The following EPHA4 variants were observed in gnomAD, a reference collection of about 807,000 sequenced individuals.
EPHA4 encodes ephrin type-A receptor 4.
In EPHA4, 19 loss-of-function variants were observed where a neutral mutation model predicts 108.3. The ratio of observed to expected loss-of-function variants is 0.18; its 90% CI spans 0.12 to 0.26. The LOEUF (loss-of-function observed/expected upper bound fraction) is 0.26, where lower values mean the gene tolerates loss of function less well. EPHA4 is among the 10% of genes least tolerant of loss of function. The probability of loss-of-function intolerance (pLI) is 1.00; values close to 1 mark genes in which losing one functional copy is unlikely to be tolerated. For missense variants in EPHA4, 917 were observed against 1,254.0 expected, an observed-to-expected ratio of 0.73 and a Z score of 4.06; for synonymous variants, 449 against 455.5, an observed-to-expected ratio of 0.99 and a Z score of 0.18.
chr2:221,494,906 G>T (rs951048373), intron 4 of EPHA4, among the ~76,000 whole-genome samples: 1 of 143,896 alleles, frequency 6.9e-6, no homozygotes, highest in African/African-American at 2.6e-5. Context: ...CAAAATCCCT[G>T]TTAAGAAAAG....
intron 4 of EPHA4, among the ~76,000 whole-genome samples, chr2:221,497,539 G>A (rs2106154340): frequency 6.6e-6 from 1 of 152,236 alleles, no homozygotes; most frequent in Non-Finnish European, 1.5e-5. Flanking sequence ...ACGAGTTCAA[G>A]ACCAGTCTGG....
intron 3 of EPHA4, chr2:221,502,667 G>C (rs1023672983): frequency 1.3e-5 from 6 of 455,310 alleles, no homozygotes; most frequent in Non-Finnish European, 2.7e-5. Flanking sequence ...CGCATATCCT[G>C]TTGGCATTTT....
rs1012525775 is a variant in EPHA4, at chr2:221,419,862, A to G, written c.*1510T>C. 4 of 152,592 alleles carry G rather than the reference A, an allele frequency of 2.6e-5. No homozygotes were observed. The highest frequency in any genetic ancestry group is 9.7e-5 in the African/African-American group (4 of 41,422). 9.5% of individuals were successfully genotyped at this position (152,592 alleles called of 1,614,324 possible). A position where few individuals can be genotyped will look rare whatever the true frequency, so the allele number is the denominator to read the frequency against. On this transcript the variant is annotated 3_prime_UTR_variant, in exon 18 of 18. Transcript: ENST00000281821. ...TAGTTCTTCATCTTGAAACTGGTGG[A>G]AAACCAGAACTCTCCAGGTGTAGCA... is the stretch of plus-strand genomic sequence containing the variant.
At chr2:221,440,868 G>A (rs1434557783) in intron 11 of EPHA4, among the ~76,000 whole-genome samples, 1 of 152,168 alleles carries the variant, frequency 6.6e-6, no homozygotes, top group Admixed American at 6.5e-5. Context: ...CAGCAGAGGT[G>A]GTATGCGGTC....
intron 4 of EPHA4, among the ~76,000 whole-genome samples, chr2:221,485,165 G>A (rs1303610242): frequency 6.6e-6 from 1 of 152,138 alleles, no homozygotes; most frequent in African/African-American, 2.4e-5. Context: ...AAGCACCACA[G>A]AAGCAAAAAG....
At chr2:221,510,044 T>C (rs1327033337) in intron 3 of EPHA4, among the ~76,000 whole-genome samples, 2 of 152,234 alleles carry the variant, frequency 1.3e-5, no homozygotes, top group East Asian at 1.9e-4. Flanking sequence ...AGCTACTCAC[T>C]AAGAGTAACT....
chr2:221,569,046 A>G (rs1183704515), intron 1 of EPHA4, among the ~76,000 whole-genome samples: 1 of 152,222 alleles, frequency 6.6e-6, no homozygotes, highest in Non-Finnish European at 1.5e-5. Flanking sequence ...TTTTTCTAAA[A>G]AGGATGAATA....
At chr2:221,496,716 T>G (rs896249572) in intron 4 of EPHA4, among the ~76,000 whole-genome samples, 3 of 152,288 alleles carry the variant, frequency 2.0e-5, no homozygotes, top group African/African-American at 7.2e-5. Context: ...AAGACCAGCC[T>G]GGCCAACATG....
chr2:221,426,517 G>T lies in EPHA4; in HGVS notation c.2793C>A (p.Asn931Lys), dbSNP rs1462291653. 4 of 1,614,092 alleles carry T rather than the reference G, an allele frequency of 2.5e-6. No homozygotes were observed. The highest frequency in any genetic ancestry group is 3.3e-4 in the Middle Eastern group (2 of 6,060). Residue 931 changes from asparagine to lysine, a missense_variant, in exon 16 of 18, where the codon AAC (asparagine) becomes AAA (lysine). By Grantham distance (94) the Asn-to-Lys change is moderately conservative. Coordinates refer to ENST00000281821, the MANE Select transcript of EPHA4 (RefSeq NM_004438.5). ...QAIKMDRYKD[N>K]FTAAGYTTLE... Reference sequence around the variant, plus strand: ...GTGTGGTATAACCAGCAGCTGTGAAGTTATCCTTATACCGGTCCATTTTAA... The same window carrying T: ...GTGTGGTATAACCAGCAGCTGTGAATTTATCCTTATACCGGTCCATTTTAA...
intron 3 of EPHA4, among the ~76,000 whole-genome samples, chr2:221,504,205 A>G (rs910623994): frequency 6.6e-6 from 1 of 152,214 alleles, no homozygotes; most frequent in Non-Finnish European, 1.5e-5. Flanking sequence ...TTAATGAACC[A>G]TCTGAATGGG....
intron 3 of EPHA4, among the ~76,000 whole-genome samples, chr2:221,511,057 C>T (rs889349487): frequency 2.0e-5 from 3 of 152,100 alleles, no homozygotes; most frequent in Non-Finnish European, 2.9e-5. Flanking sequence ...ATGAGGCCAC[C>T]AAATTTCCAT....
At chr2:221,474,525 A>G (rs1374735349) in intron 5 of EPHA4, among the ~76,000 whole-genome samples, 1 of 152,066 alleles carries the variant, frequency 6.6e-6, no homozygotes, top group Non-Finnish European at 1.5e-5. Flanking sequence ...TATTAATGAG[A>G]AAACCACAGC....
At chr2:221,539,340 A>G (rs1302567789) in intron 3 of EPHA4, among the ~76,000 whole-genome samples, 1 of 152,222 alleles carries the variant, frequency 6.6e-6, no homozygotes, top group Non-Finnish European at 1.5e-5. Context: ...AAATGGCAGA[A>G]CAATTACTCA....
chr2:221,528,177 G>T (rs932139123), intron 3 of EPHA4, among the ~76,000 whole-genome samples: 1 of 152,148 alleles, frequency 6.6e-6, no homozygotes, highest in East Asian at 1.9e-4. Context: ...GTAAAAGTCT[G>T]ATAAGCGTCT....
chr2:221,501,730 A>T (rs1381139947), intron 3 of EPHA4, among the ~76,000 whole-genome samples: 4 of 152,166 alleles, frequency 2.6e-5, no homozygotes, highest in African/African-American at 9.7e-5. Flanking sequence ...TGACAAAAAA[A>T]CCGGGTGGTG....
At chr2:221,570,774 GGATA>G (rs1249635601) in intron 1 of EPHA4, among the ~76,000 whole-genome samples, 185 of 152,242 alleles carry the variant, frequency 1.2e-3, no homozygotes, top group African/African-American at 4.2e-3. Flanking sequence ...GTGGATGGAT[GGATA>G]GATGAATGGG....
At chr2:221,556,580 C>T (rs529606964) in intron 3 of EPHA4, among the ~76,000 whole-genome samples, 14 of 151,056 alleles carry the variant, frequency 9.3e-5, no homozygotes, top group African/African-American at 1.9e-4. Context: ...GGATTACAGG[C>T]GTGAGCCACT....
chr2:221,429,970 G>T lies in EPHA4; in HGVS notation c.2678C>A (p.Thr893Lys). ...RNPNSLKRTGTESSRPNTALL... is the reference protein window; with the variant it reads ...RNPNSLKRTGKESSRPNTALL... ...AAGCATGGCTGACCTGGAGCTCTCC[G>T]TCCCTGTCCTCTTCAAGCTGTTGGG... The change falls in exon 15 of 18, where the codon ACG becomes AAG. Residue 893 changes from threonine (T) to lysine (K), a missense_variant. Around this residue, in one of 3 missense-constraint regions of EPHA4, gnomAD observed 133 missense variants for 132.8 expected, o/e 1.00. Transcript: ENST00000281821. 6.2e-7 allele frequency: 1 copy of T among 1,613,994 alleles called. No homozygotes were observed. The highest frequency in any genetic ancestry group is 2.2e-5 in the East Asian group (1 of 44,858).
At chr2:221,551,895 T>C (rs568959681) in intron 3 of EPHA4, among the ~76,000 whole-genome samples, 4 of 152,116 alleles carry the variant, frequency 2.6e-5, no homozygotes, top group Non-Finnish European at 5.9e-5. Context: ...TCAGTGCTAA[T>C]TTTAAACTCT....
Sources: gnomAD v4.1 joint callset for allele counts (sites outside exome capture counted in the v4.1 genomes callset) on GRCh38, gnomAD v4.1.1 for gene constraint, gnomAD v4.1.1 regional missense constraint, MANE v1.5 for transcripts, NCBI Gene and HGNC (gene_info 2026-07-23, HGNC 2026-07-21) for gene names.